The following MINDY4 variants were observed in gnomAD, a reference collection of about 807,000 sequenced individuals.
The protein encoded by MINDY4 is probable ubiquitin carboxyl-terminal hydrolase MINDY-4.
A neutral mutation model predicts 87.0 loss-of-function variants in MINDY4; 68 were observed. The ratio of observed to expected loss-of-function variants is 0.78; its 90% CI spans 0.64 to 0.96. MINDY4 has a LOEUF of 0.96. Ranked by LOEUF, MINDY4 falls within the 40% of genes least tolerant of loss-of-function variation. The pLI is 0.00. For missense variants in MINDY4, 919 were observed against 928.2 expected (o/e 0.99, Z 0.13); for synonymous variants, 379 against 363.2 (o/e 1.04, Z -0.50).
At chr7:30,867,261 T>G (rs1294997899) in intron 13 of MINDY4, among the ~76,000 whole-genome samples, 1 of 152,194 alleles carries the variant, frequency 6.6e-6, no homozygotes, top group East Asian at 1.9e-4. Context: ...TATTCACAGC[T>G]CCATTTCAAC....
intron 5 of MINDY4, among the ~76,000 whole-genome samples, chr7:30,802,606 A>G (rs906424380): frequency 1.3e-4 from 20 of 152,192 alleles, no homozygotes; most frequent in Admixed American, 8.5e-4. Flanking sequence ...GGAGAATGGA[A>G]GGGAAAGTTA....
chr7:30,831,332 A>T (rs1788694204), intron 6 of MINDY4, among the ~76,000 whole-genome samples: 1 of 152,064 alleles, frequency 6.6e-6, no homozygotes, highest in Non-Finnish European at 1.5e-5. Flanking sequence ...AGGGGGCTCT[A>T]TCTCTCCCTT....
intron 5 of MINDY4, among the ~76,000 whole-genome samples, chr7:30,827,887 C>A (rs1238873900): frequency 2.0e-5 from 3 of 152,154 alleles, no homozygotes; most frequent in African/African-American, 7.2e-5. Context: ...TATTTCAATG[C>A]CACACTCAAA....
rs765382061 is a variant in MINDY4, at chr7:30,828,753, G to T, written c.1132+16G>T. 1.2e-6 allele frequency: 2 copies of T among 1,610,716 alleles called. No individual in the cohort carries two copies. Among genetic ancestry groups the T allele is most frequent in the East Asian group, 4.5e-5 (2 of 44,896 alleles). On this transcript the variant is annotated intron_variant, in intron 6 of 17. Coordinates refer to ENST00000265299, the MANE Select transcript of MINDY4 (RefSeq NM_032222.3). Reference sequence around the variant, plus strand: ...CTGCGGCTCGGTAGGTGCAGCGGGTGCCTCTGTGCTGTGCCCATCAGGGCC... The same window carrying T: ...CTGCGGCTCGGTAGGTGCAGCGGGTTCCTCTGTGCTGTGCCCATCAGGGCC...
chr7:30,830,649 A>G (rs1240576549), intron 6 of MINDY4, among the ~76,000 whole-genome samples: 2 of 152,190 alleles, frequency 1.3e-5, no homozygotes, highest in African/African-American at 4.8e-5. Flanking sequence ...AACCGCCCCC[A>G]TGATTCAATT....
rs372001411 is a variant in MINDY4 at position 30,785,993 on chromosome 7, G to T, written c.663+1G>T. ...TGGGCCCATCGCCAGCTCCCCACAGGTGGGGCTGTTGCTCTTTCTGTTGTT... is the reference window on the plus strand; with the variant it reads ...TGGGCCCATCGCCAGCTCCCCACAGTTGGGGCTGTTGCTCTTTCTGTTGTT... On this transcript the variant is annotated splice_donor_variant, in intron 4 of 17. Transcript: ENST00000265299. LOFTEE classifies it high-confidence loss of function. 2 of 1,613,904 alleles carry T rather than the reference G, an allele frequency of 1.2e-6. No homozygotes were observed. The highest frequency in any genetic ancestry group is 4.5e-5 in the East Asian group (2 of 44,872).
intron 13 of MINDY4, among the ~76,000 whole-genome samples, chr7:30,866,029 C>T (rs1348394527): frequency 6.6e-6 from 1 of 152,238 alleles, no homozygotes; most frequent in Admixed American, 6.5e-5. Flanking sequence ...CCAACTGTGC[C>T]TGGGCCAGAC....
chr7:30,856,078 C>T (rs1789560474), intron 12 of MINDY4, among the ~76,000 whole-genome samples: 1 of 152,182 alleles, frequency 6.6e-6, no homozygotes, highest in South Asian at 2.1e-4. Flanking sequence ...CTGGCAGGCT[C>T]CTGGCCAGCT....
At chr7:30,780,289 G>A (rs914533506) in intron 2 of MINDY4, 12 of 152,194 alleles carry the variant, frequency 7.9e-5, no homozygotes, top group African/African-American at 1.9e-4. Flanking sequence ...AGAATTTTGC[G>A]CAGAGAGTGA....
At chr7:30,809,917 T>A (rs1471958780) in intron 5 of MINDY4, among the ~76,000 whole-genome samples, 1 of 151,892 alleles carries the variant, frequency 6.6e-6, no homozygotes, top group East Asian at 1.9e-4. Flanking sequence ...GTGGCTCACG[T>A]CTGTAATCCC....
At chr7:30,872,889 G>A (rs1249724035) in intron 14 of MINDY4, among the ~76,000 whole-genome samples, 2 of 152,224 alleles carry the variant, frequency 1.3e-5, no homozygotes, top group Non-Finnish European at 2.9e-5. Flanking sequence ...TGGGAGCTCA[G>A]CTCTACACCT....
At chr7:30,886,717 G>A (rs769910820) in intron 17 of MINDY4, among the ~76,000 whole-genome samples, 2 of 152,238 alleles carry the variant, frequency 1.3e-5, no homozygotes, top group Non-Finnish European at 2.9e-5. Context: ...CTTCAGAGAA[G>A]AGCATCCTAA....
chr7:30,882,826 C>CT, intron 16 of MINDY4, 95 bp from the exon 17 acceptor site: 1 of 1,077,788 alleles, frequency 9.3e-7, no homozygotes, highest in South Asian at 1.4e-5. Context: ...GGGACAGGGA[C>CT]TAGAAGGGGG....
intron 5 of MINDY4, among the ~76,000 whole-genome samples, chr7:30,819,940 C>G (rs985891624): frequency 8.5e-6 from 1 of 117,192 alleles, no homozygotes; most frequent in Non-Finnish European, 1.6e-5. Context: ...CTCGCTCTGT[C>G]GCCCAGGCTG....
chr7:30,854,296 G>A (rs1394197868), intron 12 of MINDY4, among the ~76,000 whole-genome samples: 3 of 152,194 alleles, frequency 2.0e-5, no homozygotes, highest in Admixed American at 6.5e-5. Context: ...AGAGCATCGC[G>A]CAGAGAGCCT....
Position 30,835,383 on chromosome 7 carries a change from C to T in MINDY4, c.1133-1275C>T, listed in dbSNP as rs147622503. Reference sequence around the variant, plus strand: ...ACAGGAAAGACCCACTCCCATGATTCGGTTATCTCTCACTGGGTCCCTCGC... The same window carrying T: ...ACAGGAAAGACCCACTCCCATGATTTGGTTATCTCTCACTGGGTCCCTCGC... On this transcript the variant is annotated intron_variant, in intron 6 of 17. Transcript: ENST00000265299. Among the ~76,000 whole-genome samples the T allele has an allele frequency of 3.5e-4, 53 of 152,308 alleles. 1 individual carries two copies. The East Asian group carries it at 5.2e-3, about 15-fold the overall frequency.
intron 6 of MINDY4, among the ~76,000 whole-genome samples, chr7:30,835,692 G>A (rs1038196534): frequency 2.0e-5 from 3 of 152,212 alleles, no homozygotes; most frequent in Non-Finnish European, 4.4e-5. Context: ...CGCCCACACA[G>A]GCCCACTCTG....
intron 15 of MINDY4, among the ~76,000 whole-genome samples, chr7:30,880,723 C>T (rs1005661106): frequency 4.6e-5 from 7 of 152,238 alleles, no homozygotes; most frequent in Admixed American, 1.3e-4. Flanking sequence ...ACATCTAATT[C>T]CCCCACACTT....
At chr7:30,874,177 G>A (rs1246620311) in intron 14 of MINDY4, among the ~76,000 whole-genome samples, 1 of 152,276 alleles carries the variant, frequency 6.6e-6, no homozygotes, top group African/African-American at 2.4e-5. Flanking sequence ...AGCGCCAGCT[G>A]TGGCAGAAGG....
Sources: gnomAD v4.1 joint callset for allele counts (sites outside exome capture counted in the v4.1 genomes callset) on GRCh38, gnomAD v4.1.1 for gene constraint, MANE v1.5 for transcripts, NCBI Gene and HGNC (gene_info 2026-07-23, HGNC 2026-07-21) for gene names.